The following AKAP6 variants were observed in gnomAD, a reference collection of about 807,000 sequenced individuals.
AKAP6 encodes the protein A-kinase anchor protein 6.
Under a neutral mutation model 188.5 loss-of-function variants are expected in AKAP6, and 58 were observed. The ratio of observed to expected loss-of-function variants is 0.31; its 90% confidence interval spans 0.25 to 0.38. The LOEUF is 0.38. Among genes scored for constraint, AKAP6 ranks in the 10% least tolerant of loss-of-function variants. AKAP6 has a pLI of 1.00. For synonymous variants in AKAP6, 989 were observed against 998.6 expected (o/e 0.99, Z 0.18); for missense variants, 2,710 against 2,740.0 (o/e 0.99, Z 0.24).
intron 2 of AKAP6, among the ~76,000 whole-genome samples, chr14:32,437,333 A>G (rs1451688466): frequency 6.6e-6 from 1 of 151,862 alleles, no homozygotes; most frequent in East Asian, 1.9e-4. Context: ...AAAAGAAGCT[A>G]CTCATTACCT....
At chr14:32,528,799 T>C (rs1023074602) in intron 2 of AKAP6, among the ~76,000 whole-genome samples, 2 of 152,042 alleles carry the variant, frequency 1.3e-5, no homozygotes, top group Admixed American at 1.3e-4. Flanking sequence ...TGCCTCAGCT[T>C]CCCAAGTAGC....
chr14:32,775,544 C>A (rs943130899), intron 12 of AKAP6, among the ~76,000 whole-genome samples: 5 of 151,804 alleles, frequency 3.3e-5, no homozygotes, highest in South Asian at 2.1e-4. Context: ...GTGATCCCCC[C>A]ACCTCAACCT....
chr14:32,633,685 C>T (rs996683360), intron 7 of AKAP6, among the ~76,000 whole-genome samples: 14 of 152,128 alleles, frequency 9.2e-5, no homozygotes, highest in African/African-American at 3.1e-4. Context: ...AGAGAAAACC[C>T]GCAACCCACT....
At position 32,823,608 on chromosome 14, in the gene AKAP6, AT is replaced by A. The variant is rs755766030; in HGVS notation, c.5797del (p.Cys1933ValfsTer10). Reference sequence around the variant, plus strand: ...GGGAAAGAGATTTCAGAGAGTGAGCATTGTAAGTGTAAAGCACTTATGGATA... The same window carrying A: ...GGGAAAGAGATTTCAGAGAGTGAGCATGTAAGTGTAAAGCACTTATGGATA... ...SHGKEISESEHCKCKALMDSL... is the reference protein window; with the variant it reads ...SHGKEISESEXCKCKALMDSL... On this transcript the variant is annotated frameshift_variant, in exon 13 of 14. Transcript: ENST00000280979. LOFTEE classifies it high-confidence loss of function. The A allele has an allele frequency of 6.2e-7, 1 of 1,613,904 alleles. No homozygotes were observed. Among genetic ancestry groups the A allele is most frequent in the Non-Finnish European group, 8.5e-7 (1 of 1,179,902 alleles).
chr14:32,429,995 CTCCCATGTTTGT>C (rs1181387803), intron 1 of AKAP6, among the ~76,000 whole-genome samples: 2 of 152,194 alleles, frequency 1.3e-5, no homozygotes, highest in East Asian at 3.8e-4. Context: ...AGGGGAGAAT[CTCCCATGTTTGT>C]TCCTCTGGGA....
chr14:32,800,794 T>A (rs1443417503), intron 12 of AKAP6, among the ~76,000 whole-genome samples: 1 of 152,074 alleles, frequency 6.6e-6, no homozygotes, highest in Non-Finnish European at 1.5e-5. Flanking sequence ...GTGTCCAGAT[T>A]GCTTGAGCTC....
intron 1 of AKAP6, among the ~76,000 whole-genome samples, chr14:32,380,952 T>A (rs1888336230): frequency 6.6e-6 from 1 of 152,204 alleles, no homozygotes; most frequent in Non-Finnish European, 1.5e-5. Flanking sequence ...TCCAAAGTCC[T>A]ATTTTTAAAA....
At chr14:32,574,627 C>T (rs2139256620) in intron 4 of AKAP6, among the ~76,000 whole-genome samples, 1 of 152,264 alleles carries the variant, frequency 6.6e-6, no homozygotes, top group African/African-American at 2.4e-5. Context: ...CACTATTTAT[C>T]TTCTTGGATT....
intron 1 of AKAP6, among the ~76,000 whole-genome samples, chr14:32,421,293 C>T (rs1889842564): frequency 6.6e-6 from 1 of 152,098 alleles, no homozygotes; most frequent in Non-Finnish European, 1.5e-5. Flanking sequence ...CTCTTGCCTT[C>T]AGGAACTCCT....
chr14:32,500,072 CT>C (rs969690274), intron 2 of AKAP6, among the ~76,000 whole-genome samples: 1 of 151,998 alleles, frequency 6.6e-6, no homozygotes, highest in Non-Finnish European at 1.5e-5. Flanking sequence ...GATTTTGATT[CT>C]TTTTTCCAGG....
chr14:32,417,455 C>A (rs1889694908), intron 1 of AKAP6, among the ~76,000 whole-genome samples: 1 of 152,150 alleles, frequency 6.6e-6, no homozygotes, highest in Non-Finnish European at 1.5e-5. Flanking sequence ...TTTTTCTCCA[C>A]GTATTTCTCT....
intron 1 of AKAP6, among the ~76,000 whole-genome samples, chr14:32,332,460 T>C (rs1317180228): frequency 1.3e-5 from 2 of 152,134 alleles, no homozygotes; most frequent in East Asian, 3.9e-4. Flanking sequence ...ATTTAAGTAA[T>C]GAAGAGTTGA....
chr14:32,689,351 G>T (rs996551733), intron 8 of AKAP6, among the ~76,000 whole-genome samples: 1 of 151,992 alleles, frequency 6.6e-6, no homozygotes. Flanking sequence ...TCAATAATAG[G>T]TGTTGGTGGA....
intron 4 of AKAP6, among the ~76,000 whole-genome samples, chr14:32,559,325 T>C (rs2139201334): frequency 6.6e-6 from 1 of 152,314 alleles, no homozygotes; most frequent in Non-Finnish European, 1.5e-5. Flanking sequence ...CAGCTCCAGC[T>C]GATAGTTGCA....
At chr14:32,651,405 A>T (rs1397115336) in intron 7 of AKAP6, among the ~76,000 whole-genome samples, 4 of 152,148 alleles carry the variant, frequency 2.6e-5, no homozygotes, top group Non-Finnish European at 5.9e-5. Flanking sequence ...AGGCTATGCT[A>T]TGTAGGGTTG....
In AKAP6 at chr14:32,822,045, A is replaced by G. The variant is rs1341725987; in HGVS notation, c.4232A>G (p.Gln1411Arg). ...GGAGATGCAGTTAACGTGTTAAAGC[A>G]AAAATTTACAGATGAGGGGGAAAGC... is the stretch of plus-strand genomic sequence containing the variant. ...QMGDAVNVLK[Q>R]KFTDEGESIK... Residue 1411 changes from glutamine (Q) to arginine (R), a missense_variant, in exon 13 of 14, where the codon CAA becomes CGA. Transcript: ENST00000280979. 1 of 1,613,974 alleles carries G rather than the reference A, an allele frequency of 6.2e-7. No homozygotes were observed. The highest frequency in any genetic ancestry group is 2.2e-5 in the East Asian group (1 of 44,868).
chr14:32,454,900 CTTCT>C lies in AKAP6; in HGVS notation c.324+21084_324+21087del, dbSNP rs67470256. On this transcript the variant is annotated intron_variant, in intron 2 of 13. Transcript: ENST00000280979. ...CCCTCCTTCCCTCCCTCCTTCCCTC[CTTCT>C]CTCCTTCCCTCCTTCTCTCCTTCCC... Among the ~76,000 whole-genome samples the C allele has an allele frequency of 2.7e-4, 14 of 51,854 alleles. 2 individuals are homozygous for C. In the African/African-American group the frequency reaches 8.3e-3, roughly 31 times the overall value. The allele number at this position is 51,854 out of a possible 152,430, so 34.0% of individuals were successfully genotyped here.
intron 2 of AKAP6, among the ~76,000 whole-genome samples, chr14:32,531,425 G>C (rs1026412644): frequency 6.6e-6 from 1 of 152,142 alleles, no homozygotes; most frequent in Admixed American, 6.5e-5. Flanking sequence ...TCAAGAATAC[G>C]AAGGCAGTAT....
rs1244907286 is a variant in AKAP6, at chr14:32,740,246, G to A, written c.3372+4364G>A. 2.0e-5 allele frequency among the ~76,000 whole-genome samples: 3 copies of A among 151,896 alleles called. No homozygotes were observed. The East Asian group carries it at 5.8e-4, about 29-fold the overall frequency. ...TATTAGATTTTTTCCCTATACAGTT[G>A]TTTGAGCTCCTTGTATATTCTGGTT... On this transcript the variant is annotated intron_variant, in intron 11 of 13. Transcript: ENST00000280979.
Sources: gnomAD v4.1 joint callset for allele counts (sites outside exome capture counted in the v4.1 genomes callset) on GRCh38, gnomAD v4.1.1 for gene constraint, MANE v1.5 for transcripts, NCBI Gene and HGNC (gene_info 2026-07-23, HGNC 2026-07-21) for gene names.